ELP4: variants seen among roughly 807,000 people sequenced by gnomAD.
The protein encoded by ELP4 is elongator acetyltransferase complex subunit 4.
Under a neutral mutation model 48.9 loss-of-function variants are expected in ELP4, and 51 were observed. The ratio of observed to expected loss-of-function variants is 1.04; its 90% confidence interval spans 0.83 to 1.32. ELP4 has a LOEUF of 1.32. Among genes scored for constraint, ELP4 ranks in the 40% most tolerant of loss-of-function variants. The pLI, the probability that ELP4 is intolerant of heterozygous loss-of-function variation, is 0.00. For synonymous variants in ELP4, 210 were observed against 189.2 expected (o/e 1.11, Z -0.90); for missense variants, 519 against 514.6 (o/e 1.01, Z -0.08).
intron 9 of ELP4, among the ~76,000 whole-genome samples, chr11:31,750,176 A>G (rs980721830): frequency 3.3e-5 from 5 of 151,880 alleles, no homozygotes; most frequent in African/African-American, 1.2e-4. Flanking sequence ...CTTTTATAAT[A>G]CTGATAGAAG....
chr11:31,579,154 C>T (rs1234735689), intron 3 of ELP4, among the ~76,000 whole-genome samples: 7 of 152,178 alleles, frequency 4.6e-5, no homozygotes, highest in South Asian at 2.1e-4. Flanking sequence ...CAAAAGAAGA[C>T]ATTTATGCAG....
At position 31,517,466 on chromosome 11, in the gene ELP4, T is replaced by A. The variant is rs562772990; in HGVS notation, c.224-2590T>A. 3.3e-5 allele frequency among the ~76,000 whole-genome samples: 5 copies of A among 151,804 alleles called. No homozygotes were observed. In the South Asian group the frequency reaches 1.0e-3, roughly 32 times the overall value. ...GGTGTGAGCCACCGTGCCCAACCTA[T>A]CAAAGGAACTTTTGTTACTAAGTTT... On this transcript the variant is annotated intron_variant, in intron 1 of 9. Coordinates refer to ENST00000640961, the MANE Select transcript of ELP4 (RefSeq NM_019040.5).
chr11:31,601,282 AG>A (rs919072727), intron 4 of ELP4, among the ~76,000 whole-genome samples: 56 of 151,392 alleles, frequency 3.7e-4, no homozygotes, highest in African/African-American at 1.3e-3. Flanking sequence ...TGTCTTGAGC[AG>A]AAAAATTTGG....
At chr11:31,703,937 T>A in intron 9 of ELP4, among the ~76,000 whole-genome samples, 1 of 152,158 alleles carries the variant, frequency 6.6e-6, no homozygotes, top group East Asian at 1.9e-4. Flanking sequence ...AAATTAAAAT[T>A]CAAAAATGTT....
chr11:31,631,876 C>A (rs1387170170), intron 6 of ELP4, among the ~76,000 whole-genome samples: 4 of 151,956 alleles, frequency 2.6e-5, no homozygotes, highest in African/African-American at 9.7e-5. Context: ...GGTTTGCAAG[C>A]ATTCTAGTTT....
At chr11:31,584,569 C>T (rs1957443522) in intron 3 of ELP4, among the ~76,000 whole-genome samples, 1 of 151,966 alleles carries the variant, frequency 6.6e-6, no homozygotes, top group Non-Finnish European at 1.5e-5. Flanking sequence ...GCTTTTGTTG[C>T]CCAGGCTGGA....
rs34771837 is a variant in ELP4, at chr11:31,650,129, C to G, written c.1051C>G (p.Arg351Gly). Residue 351 changes from arginine (R) to glycine (G), a missense_variant, in exon 9 of 10, where the codon CGG becomes GGG. Coordinates refer to ENST00000640961, the MANE Select transcript of ELP4 (RefSeq NM_019040.5). ...TTTTCCACAAGGATTGATTCATATA[C>G]GGCAGATTCCTCGGCTTAATAACTT... Reference protein sequence around the residue: ...YKDYHGLIHIRQIPRLNNLIC... With the variant: ...YKDYHGLIHIGQIPRLNNLIC... 2.1e-5 allele frequency: 30 copies of G among 1,450,296 alleles called. No homozygotes were observed. Among genetic ancestry groups the G allele is most frequent in the Non-Finnish European group, 2.8e-5 (29 of 1,041,938 alleles). 89.8% of individuals were successfully genotyped at this position (1,450,296 alleles called of 1,614,324 possible).
At chr11:31,534,733 T>G (rs1430934369) in intron 2 of ELP4, among the ~76,000 whole-genome samples, 1 of 152,218 alleles carries the variant, frequency 6.6e-6, no homozygotes, top group Admixed American at 6.5e-5. Context: ...TGTAAAAATA[T>G]CAATCTTAGA....
At chr11:31,736,294 C>T (rs944525437) in intron 9 of ELP4, among the ~76,000 whole-genome samples, 6 of 152,232 alleles carry the variant, frequency 3.9e-5, no homozygotes, top group South Asian at 2.1e-4. Context: ...TGAAACTGGA[C>T]CCCTTCCTTA....
intron 9 of ELP4, among the ~76,000 whole-genome samples, chr11:31,738,270 C>T (rs1947366858): frequency 6.7e-6 from 1 of 148,404 alleles, no homozygotes; most frequent in Non-Finnish European, 1.5e-5. Flanking sequence ...AATACTTAGC[C>T]AGGCATGGTG....
At chr11:31,550,914 C>T (rs1468658521) in intron 3 of ELP4, among the ~76,000 whole-genome samples, 2 of 152,200 alleles carry the variant, frequency 1.3e-5, no homozygotes, top group Non-Finnish European at 2.9e-5. Context: ...ACCCCTTATG[C>T]TTTCACTTCA....
At chr11:31,581,097 T>C (rs1264598720) in intron 3 of ELP4, among the ~76,000 whole-genome samples, 2 of 152,188 alleles carry the variant, frequency 1.3e-5, no homozygotes, top group African/African-American at 4.8e-5. Context: ...CTCAAAACTT[T>C]CCACTAAAGT....
intron 9 of ELP4, among the ~76,000 whole-genome samples, chr11:31,756,660 A>G (rs919906353): frequency 1.3e-5 from 2 of 152,210 alleles, no homozygotes; most frequent in African/African-American, 4.8e-5. Flanking sequence ...GTGCTCAATA[A>G]ACATTGGTTG....
intron 3 of ELP4, among the ~76,000 whole-genome samples, chr11:31,549,765 A>G (rs951358482): frequency 6.6e-6 from 1 of 152,258 alleles, no homozygotes; most frequent in African/African-American, 2.4e-5. Context: ...AGACTGGATT[A>G]AGAAAATGTG....
At chr11:31,662,668 AATTT>A (rs1945588730) in intron 9 of ELP4, 1 of 397,366 alleles carries the variant, frequency 2.5e-6, no homozygotes, top group Non-Finnish European at 4.4e-6. Context: ...GAGAATTGTC[AATTT>A]GGTGATAATG....
intron 9 of ELP4, among the ~76,000 whole-genome samples, chr11:31,752,764 G>A (rs974199086): frequency 1.3e-5 from 2 of 151,558 alleles, no homozygotes; most frequent in African/African-American, 2.4e-5. Context: ...AACCCGGGGG[G>A]CGGAGCTTGC....
intron 3 of ELP4, among the ~76,000 whole-genome samples, chr11:31,551,631 A>G (rs1482366409): frequency 6.6e-6 from 1 of 152,158 alleles, no homozygotes; most frequent in Non-Finnish European, 1.5e-5. Context: ...TGAACTTTTT[A>G]AAGACTCCTT....
chr11:31,762,164 C>G (rs1947958259), intron 9 of ELP4: 1 of 152,100 alleles, frequency 6.6e-6, no homozygotes, highest in South Asian at 2.1e-4. Flanking sequence ...CCTTTAACAT[C>G]TAAACCAGAC....
At position 31,785,393 on chromosome 11, in the gene ELP4, A is replaced by G. The variant is rs1328756864; in HGVS notation, c.*1869A>G. On this transcript the variant is annotated 3_prime_UTR_variant, in exon 10 of 10. Coordinates refer to ENST00000640961, the MANE Select transcript of ELP4 (RefSeq NM_019040.5). ...CATCAGATATGTAAATTGCTTGTCAAAATACTTAATAGGTCATTGATATAC... is the reference window on the plus strand; with the variant it reads ...CATCAGATATGTAAATTGCTTGTCAGAATACTTAATAGGTCATTGATATAC... 5.4e-6 allele frequency: 1 copy of G among 186,500 alleles called. No homozygotes were observed. The highest frequency in any genetic ancestry group is 1.1e-5 in the Non-Finnish European group (1 of 88,168). 11.6% of individuals were successfully genotyped at this position (186,500 alleles called of 1,614,324 possible). A position where few individuals can be genotyped will look rare whatever the true frequency, so the allele number is the denominator to read the frequency against.
Sources: allele counts gnomAD v4.1 joint callset (sites outside exome capture counted in the v4.1 genomes callset), GRCh38; gene constraint gnomAD v4.1.1; transcripts MANE v1.5; gene names NCBI Gene and HGNC (gene_info 2026-07-23, HGNC 2026-07-21).